The following CABIN1 variants were observed in gnomAD, a reference collection of about 807,000 sequenced individuals.
CABIN1 encodes calcineurin-binding protein cabin-1.
A neutral mutation model predicts 227.7 loss-of-function variants in CABIN1; 133 were observed. That is an observed-to-expected ratio of 0.58 (90% CI 0.51 to 0.67). The LOEUF is 0.67. Among genes scored for constraint, CABIN1 ranks in the 30% least tolerant of loss-of-function variants. The probability of loss-of-function intolerance (pLI) is 0.00; values close to 1 mark genes in which losing one functional copy is unlikely to be tolerated. For missense variants in CABIN1, 2,408 were observed against 2,852.5 expected (o/e 0.84, Z 3.55); for synonymous variants, 1,086 against 1,155.1 (o/e 0.94, Z 1.21).
At chr22:24,157,027 C>T (rs2045871003) in intron 29 of CABIN1, among the ~76,000 whole-genome samples, 1 of 152,086 alleles carries the variant, frequency 6.6e-6, no homozygotes, top group Non-Finnish European at 1.5e-5. Context: ...GAATCCCTTG[C>T]CCTCAGTAGC....
intron 28 of CABIN1, among the ~76,000 whole-genome samples, chr22:24,126,903 G>A (rs1462915145): frequency 1.3e-5 from 2 of 150,734 alleles, no homozygotes; most frequent in African/African-American, 4.9e-5. Context: ...GTAGGCTAAG[G>A]AAGGAGAATC....
In CABIN1 at chr22:24,084,721, G is replaced by A. The variant is rs773047194; in HGVS notation, c.3053G>A (p.Arg1018His). The A allele has an allele frequency of 6.8e-6, 11 of 1,614,022 alleles. No homozygotes were observed. Among genetic ancestry groups the A allele is most frequent in the South Asian group, 2.2e-5 (2 of 91,084 alleles). ...AAGAGAATTGCCACCATTGTGCCTC[G>A]CACAGAGAGGCCAGCCCTTAGCCTG... ...LLKRIATIVP[R>H]TERPALSLDK... Residue 1018 changes from arginine to histidine, a missense_variant, in exon 21 of 37, where the codon CGC (arginine) becomes CAC (histidine). Coordinates refer to ENST00000263119, the MANE Select transcript of CABIN1 (RefSeq NM_012295.4).
intron 19 of CABIN1, among the ~76,000 whole-genome samples, chr22:24,077,017 A>T (rs930007810): frequency 6.6e-6 from 1 of 152,244 alleles, no homozygotes; most frequent in Non-Finnish European, 1.5e-5. Flanking sequence ...CTGCTTTTGC[A>T]GTAGAGTGGC....
At chr22:24,122,925 G>A (rs1407105890) in intron 28 of CABIN1, among the ~76,000 whole-genome samples, 41 of 152,082 alleles carry the variant, frequency 2.7e-4, no homozygotes, top group Non-Finnish European at 1.3e-4. Flanking sequence ...CTTCTACTTT[G>A]CATCTGGGAA....
intron 28 of CABIN1, among the ~76,000 whole-genome samples, chr22:24,131,197 T>G (rs1484064175): frequency 6.6e-6 from 1 of 152,174 alleles, no homozygotes; most frequent in Non-Finnish European, 1.5e-5. Flanking sequence ...TGATGGCTAC[T>G]GGAGATGCTT....
At chr22:24,020,345 G>A (rs2035632469) in intron 1 of CABIN1, among the ~76,000 whole-genome samples, 1 of 151,266 alleles carries the variant, frequency 6.6e-6, no homozygotes, top group Admixed American at 6.6e-5. Context: ...TTTTTGATAC[G>A]GGGTCTCACT....
chr22:24,157,412 C>G (rs531916876), intron 29 of CABIN1, among the ~76,000 whole-genome samples: 148 of 152,270 alleles, frequency 9.7e-4, no homozygotes, highest in African/African-American at 3.4e-3. Context: ...GCTGCCCAGC[C>G]GGCCTGGCTC....
intron 1 of CABIN1, among the ~76,000 whole-genome samples, chr22:24,022,210 ACCAC>A (rs2146597723): frequency 6.6e-6 from 1 of 152,194 alleles, no homozygotes; most frequent in South Asian, 2.1e-4. Flanking sequence ...ACTTGTTACC[ACCAC>A]CATCATTACC....
At chr22:24,066,617 C>G (rs1319322757) in intron 15 of CABIN1, among the ~76,000 whole-genome samples, 3 of 152,188 alleles carry the variant, frequency 2.0e-5, no homozygotes, top group Non-Finnish European at 4.4e-5. Flanking sequence ...CTGGTCCAGG[C>G]TTGCTGAGTC....
At chr22:24,150,069 G>A (rs975295104) in intron 29 of CABIN1, among the ~76,000 whole-genome samples, 2 of 152,202 alleles carry the variant, frequency 1.3e-5, no homozygotes, top group Admixed American at 1.3e-4. Flanking sequence ...TGGCTCCCAA[G>A]GGCTACAGAT....
intron 12 of CABIN1, 62 bp from the exon 13 acceptor site, chr22:24,061,885 C>A: frequency 8.5e-7 from 1 of 1,181,928 alleles, no homozygotes. Context: ...CAGCCCCCTA[C>A]CCCCCACACT....
At chr22:24,132,797 AG>A (rs1397243801) in intron 28 of CABIN1, among the ~76,000 whole-genome samples, 1 of 152,154 alleles carries the variant, frequency 6.6e-6, no homozygotes, top group East Asian at 1.9e-4. Context: ...CATGTTGGTC[AG>A]GCTGGTCTCG....
intron 28 of CABIN1, among the ~76,000 whole-genome samples, chr22:24,122,105 G>A (rs571381646): frequency 1.5e-5 from 2 of 131,544 alleles, no homozygotes; most frequent in African/African-American, 5.6e-5. Context: ...GAATTTGAAG[G>A]AGCCAGTGCA....
At chr22:24,084,509 G>C in intron 20 of CABIN1, 70 bp from the exon 21 acceptor site, 1 of 1,216,566 alleles carries the variant, frequency 8.2e-7, no homozygotes, top group Non-Finnish European at 1.2e-6. Flanking sequence ...CGTTTCTATG[G>C]AGGAATGCAA....
At chr22:24,118,547 G>C (rs1168380724) in intron 27 of CABIN1, among the ~76,000 whole-genome samples, 2 of 152,188 alleles carry the variant, frequency 1.3e-5, no homozygotes, top group African/African-American at 4.8e-5. Flanking sequence ...GCCTCCTCCA[G>C]GCAGGCTGTG....
intron 29 of CABIN1, among the ~76,000 whole-genome samples, chr22:24,157,588 C>A (rs2045913709): frequency 6.6e-6 from 1 of 152,198 alleles, no homozygotes; most frequent in African/African-American, 2.4e-5. Context: ...GCTGGGCAGG[C>A]AGCCTGTGAA....
At chr22:24,160,982 G>A (rs565798502) in intron 29 of CABIN1, among the ~76,000 whole-genome samples, 1 of 152,162 alleles carries the variant, frequency 6.6e-6, no homozygotes, top group Non-Finnish European at 1.5e-5. Context: ...TGGACCCCTA[G>A]GCTCACTCTA....
Position 24,036,191 on chromosome 22 carries a change from G to A in CABIN1, c.96+10G>A, listed in dbSNP as rs1252507746. 2.5e-6 allele frequency: 4 copies of A among 1,588,878 alleles called. No individual in the cohort carries two copies. The South Asian group carries it at 4.4e-5, about 18-fold the overall frequency. ...GACAAAGGAGGCTCAGGTACGTAAT[G>A]CGAGGTCTTCTCTGTAGGTGGACCT... On this transcript the variant is annotated intron_variant, in intron 3 of 36. Transcript: ENST00000263119.
At chr22:24,042,826 G>A (rs1281907991) in intron 5 of CABIN1, 78 bp from the exon 6 acceptor site, 2 of 517,400 alleles carry the variant, frequency 3.9e-6, no homozygotes, top group Admixed American at 2.3e-5. Context: ...GACTGTGTGT[G>A]TGTGTGTGTG....
Sources: allele counts gnomAD v4.1 joint callset (sites outside exome capture counted in the v4.1 genomes callset), GRCh38; gene constraint gnomAD v4.1.1; transcripts MANE v1.5; gene names NCBI Gene and HGNC (gene_info 2026-07-23, HGNC 2026-07-21).